DLGAP2: variants seen among roughly 807,000 people sequenced by gnomAD.
The protein encoded by DLGAP2 is disks large-associated protein 2.
DLGAP2 carries 26 observed loss-of-function variants against 100.3 expected under a neutral mutation model. The ratio of observed to expected loss-of-function variants is 0.26; its 90% confidence interval spans 0.19 to 0.36. DLGAP2 has a LOEUF of 0.36. DLGAP2 is among the 10% of genes least tolerant of loss of function. The probability of loss-of-function intolerance (pLI) is 1.00; values close to 1 mark genes in which losing one functional copy is unlikely to be tolerated. For synonymous variants in DLGAP2, 886 were observed against 630.1 expected, an observed-to-expected ratio of 1.41 and a Z score of -6.08; for missense variants, 1,858 against 1,453.2, an observed-to-expected ratio of 1.28 and a Z score of -4.53.
At chr8:1,090,043 C>G in intron 2 of DLGAP2, among the ~76,000 whole-genome samples, 1 of 149,630 alleles carries the variant, frequency 6.7e-6, no homozygotes, top group Non-Finnish European at 1.5e-5. Flanking sequence ...GGGGTGGAAA[C>G]TCATACCCCG....
At position 1,336,000 on chromosome 8, in the gene DLGAP2, A is replaced by AG. The variant is rs563924930; in HGVS notation, c.106+77123dup. On this transcript the variant is annotated intron_variant, in intron 3 of 14. Coordinates refer to ENST00000637795, the MANE Select transcript of DLGAP2 (RefSeq NM_001346810.2). Reference sequence around the variant, plus strand: ...TGTGCTTTTTCCGGTAAAGAGCTCCAGGGGGGAAAACATCACAATATAAAG... The same window carrying AG: ...TGTGCTTTTTCCGGTAAAGAGCTCCAGGGGGGGAAAACATCACAATATAAAG... 2.0e-3 allele frequency among the ~76,000 whole-genome samples: 309 copies of AG among 152,214 alleles called. 5 individuals carry two copies. Among genetic ancestry groups the AG allele is most frequent in the African/African-American group, 6.7e-4 (28 of 41,544 alleles).
At chr8:1,327,114 G>A (rs1801039755) in intron 3 of DLGAP2, among the ~76,000 whole-genome samples, 1 of 152,246 alleles carries the variant, frequency 6.6e-6, no homozygotes, top group South Asian at 2.1e-4. Context: ...CCTGAGAGCG[G>A]AGCCTGCCTT....
intron 2 of DLGAP2, among the ~76,000 whole-genome samples, chr8:1,077,963 G>T (rs1177941693): frequency 1.3e-5 from 2 of 152,188 alleles, no homozygotes; most frequent in East Asian, 1.9e-4. Context: ...AACTCCAGGG[G>T]TGTCATCCAC....
intron 2 of DLGAP2, among the ~76,000 whole-genome samples, chr8:953,912 C>A (rs1037628481): frequency 7.9e-5 from 12 of 152,174 alleles, no homozygotes; most frequent in Admixed American, 5.2e-4. Flanking sequence ...CAAGGATGTT[C>A]TTTAGTGAAA....
chr8:1,597,336 G>A (rs1008063259), intron 6 of DLGAP2, among the ~76,000 whole-genome samples: 6 of 150,774 alleles, frequency 4.0e-5, no homozygotes, highest in African/African-American at 1.5e-4. Context: ...GGATTGTCTT[G>A]GCTATATGGA....
chr8:1,149,475 G>C (rs1481753045), intron 2 of DLGAP2, among the ~76,000 whole-genome samples: 1 of 152,142 alleles, frequency 6.6e-6, no homozygotes, highest in Non-Finnish European at 1.5e-5. Flanking sequence ...CTCTTTCAGT[G>C]ATTTCAGTCT....
At chr8:1,270,550 C>A (rs553835359) in intron 3 of DLGAP2, among the ~76,000 whole-genome samples, 1 of 152,204 alleles carries the variant, frequency 6.6e-6, no homozygotes, top group Non-Finnish European at 1.5e-5. Flanking sequence ...AGGAAGCAGG[C>A]ACCACTGTCT....
At chr8:1,432,931 C>A (rs1477691218) in intron 3 of DLGAP2, among the ~76,000 whole-genome samples, 1 of 152,128 alleles carries the variant, frequency 6.6e-6, no homozygotes, top group Admixed American at 6.5e-5. Flanking sequence ...CATCGAGGCG[C>A]GGAGTTGCAT....
intron 1 of DLGAP2, among the ~76,000 whole-genome samples, chr8:753,131 C>T (rs970705391): frequency 2.6e-5 from 4 of 152,160 alleles, no homozygotes; most frequent in African/African-American, 9.7e-5. Flanking sequence ...TCTGAGAAGC[C>T]AGGAGGGTTT....
chr8:1,146,113 G>A lies in DLGAP2; in HGVS notation c.74-112738G>A, dbSNP rs28635158. ...CACCAACCCACACACCCACTGCCAG[G>A]CCAGGAGGGCGCCTGCCACACATCT... On this transcript the variant is annotated intron_variant, in intron 2 of 14. Coordinates refer to ENST00000637795, the MANE Select transcript of DLGAP2 (RefSeq NM_001346810.2). Among the ~76,000 whole-genome samples, 507 of 152,186 alleles carry A rather than the reference G, an allele frequency of 3.3e-3. 3 individuals carry two copies. The highest frequency in any genetic ancestry group is 6.0e-3 in the Admixed American group (91 of 15,294).
chr8:1,577,429 G>C (rs1315560171), intron 6 of DLGAP2, among the ~76,000 whole-genome samples: 1 of 151,980 alleles, frequency 6.6e-6, no homozygotes, highest in African/African-American at 2.4e-5. Flanking sequence ...ATTAGCTGGT[G>C]TAGTGGCACA....
At chr8:1,321,154 C>T (rs548167406) in intron 3 of DLGAP2, among the ~76,000 whole-genome samples, 75 of 149,368 alleles carry the variant, frequency 5.0e-4, no homozygotes, top group African/African-American at 1.6e-3. Context: ...TGCATGCATC[C>T]GTGCCCGTAT....
rs578136152 is a variant in DLGAP2 at position 1,343,249 on chromosome 8, G to A, written c.106+84366G>A. ...TTAAGTCCGCCACGGTGAGAGGTGCGCAGGGCAGGGCTCAGGACAGACCAG... is the reference window on the plus strand; with the variant it reads ...TTAAGTCCGCCACGGTGAGAGGTGCACAGGGCAGGGCTCAGGACAGACCAG... On this transcript the variant is annotated intron_variant, in intron 3 of 14. Coordinates refer to ENST00000637795, the MANE Select transcript of DLGAP2 (RefSeq NM_001346810.2). Among the ~76,000 whole-genome samples, 77 of 152,278 alleles carry A rather than the reference G, an allele frequency of 5.1e-4. No individual in the cohort carries two copies. In the South Asian group the frequency reaches 6.8e-3, roughly 14 times the overall value.
intron 2 of DLGAP2, among the ~76,000 whole-genome samples, chr8:1,123,617 T>C (rs1490138771): frequency 6.6e-6 from 1 of 151,812 alleles, no homozygotes; most frequent in Non-Finnish European, 1.5e-5. Flanking sequence ...TAATGTGTAA[T>C]TTATCTTTCC....
chr8:1,454,962 A>G (rs1798264960), intron 3 of DLGAP2, among the ~76,000 whole-genome samples: 1 of 151,956 alleles, frequency 6.6e-6, no homozygotes, highest in African/African-American at 2.4e-5. Context: ...TCGGGCCCCC[A>G]GTTTCCACAC....
intron 2 of DLGAP2, among the ~76,000 whole-genome samples, chr8:1,075,756 C>T (rs1191682679): frequency 6.6e-6 from 1 of 151,970 alleles, no homozygotes; most frequent in Non-Finnish European, 1.5e-5. Flanking sequence ...GAGTGATGAG[C>T]AGATGGTTCT....
At chr8:1,077,207 G>T (rs1310218576) in intron 2 of DLGAP2, among the ~76,000 whole-genome samples, 3 of 152,216 alleles carry the variant, frequency 2.0e-5, no homozygotes, top group African/African-American at 7.2e-5. Context: ...CCAGTCATGT[G>T]GGGGCAGGAT....
chr8:1,294,220 C>A (rs7386739), intron 3 of DLGAP2, among the ~76,000 whole-genome samples: 1 of 152,094 alleles, frequency 6.6e-6, no homozygotes, highest in Non-Finnish European at 1.5e-5. Context: ...CCTTGCCAGT[C>A]ATTCAGGTTA....
At chr8:1,430,009 TATATATATATATATATATAC>T (rs1797370248) in intron 3 of DLGAP2, among the ~76,000 whole-genome samples, 7 of 61,378 alleles carry the variant, frequency 1.1e-4, no homozygotes, top group African/African-American at 6.1e-4. Context: ...TATATATACA[TATATATATATATATATATAC>T]ACACACACAC....
Sources: gnomAD v4.1 joint callset for allele counts (sites outside exome capture counted in the v4.1 genomes callset) on GRCh38, gnomAD v4.1.1 for gene constraint, MANE v1.5 for transcripts, NCBI Gene and HGNC (gene_info 2026-07-23, HGNC 2026-07-21) for gene names.